NMD3: variants seen among roughly 807,000 people sequenced by gnomAD.
The protein encoded by NMD3 is 60S ribosomal export protein NMD3.
In NMD3, 47 loss-of-function variants were observed where a neutral mutation model predicts 73.1. The observed-to-expected ratio is 0.64, with a 90% CI of 0.51 to 0.82. The LOEUF is 0.82. Among genes scored for constraint, NMD3 ranks in the 40% least tolerant of loss-of-function variants. The probability of loss-of-function intolerance (pLI) is 0.00; values close to 1 mark genes in which losing one functional copy is unlikely to be tolerated. For synonymous variants in NMD3, 210 were observed against 194.5 expected, an observed-to-expected ratio of 1.08 and a Z score of -0.66; for missense variants, 554 against 612.5, an observed-to-expected ratio of 0.90 and a Z score of 1.01.
intron 11 of NMD3, among the ~76,000 whole-genome samples, chr3:161,245,007 G>C (rs1206754950): frequency 2.0e-5 from 3 of 151,896 alleles, no homozygotes; most frequent in African/African-American, 7.3e-5. Flanking sequence ...TTGATTTCTG[G>C]TGCAACACAG....
rs1481552255 is a variant in NMD3 at position 161,247,401 on chromosome 3, A to T, written c.1203+71A>T. ...AATGTAACTCTTAGGGGTAAGAGGT[A>T]GGAGTTCACACTTTTGAAAATAACA... On this transcript the variant is annotated intron_variant, in intron 13 of 15. Transcript: ENST00000351193. 5.9e-6 allele frequency: 5 copies of T among 844,264 alleles called. No homozygotes were observed. In the Admixed American group the frequency reaches 1.1e-4, roughly 18 times the overall value. The allele number at this position is 844,264 out of a possible 1,614,324, so 52.3% of individuals were successfully genotyped here.
intron 8 of NMD3, 70 bp downstream of exon 8, chr3:161,238,261 C>A: frequency 1.1e-6 from 1 of 907,204 alleles, no homozygotes; most frequent in Admixed American, 2.4e-5. Flanking sequence ...ATATATTCTT[C>A]AGGCTCAGAC....
rs141211684 is a variant in NMD3 at position 161,250,877 on chromosome 3, C to G, written c.1479C>G (p.Ala493=). The change falls in exon 16 of 16, where the codon GCC becomes GCG. Residue 493 remains alanine, a synonymous_variant. Transcript: ENST00000351193. The stretch of plus-strand genomic sequence containing the variant: ...AAGACCTTCATATTTCCCAAGATGC[C>G]ACTGGTGAAGAAGGTGCATCAATGC... ...MLEDLHISQD[A]TGEEGASMLT is the part of the protein sequence containing the mutation. 3.5e-5 allele frequency: 56 copies of G among 1,611,816 alleles called. 1 individual carries two copies. The East Asian group carries it at 1.1e-3, about 32-fold the overall frequency.
intron 4 of NMD3, among the ~76,000 whole-genome samples, chr3:161,227,885 G>T (rs1196867411): frequency 1.3e-5 from 2 of 151,608 alleles, no homozygotes; most frequent in African/African-American, 4.8e-5. Flanking sequence ...TTTTTCCTTT[G>T]TTATTTATCG....
rs377301241 is a variant in NMD3, at chr3:161,238,184, C to G, written c.649C>G (p.Pro217Ala). Reference protein sequence around the residue: ...KMVEFLQCTVPCRYKASQRLI... With the variant: ...KMVEFLQCTVACRYKASQRLI... ...GGTCGAATTTCTTCAGTGTACAGTT[C>G]CCTGTAGGTATGTTCTGAACCTTGA... The change falls in exon 8 of 16, where the codon CCC becomes GCC. Residue 217 changes from proline to alanine, a missense_variant. Pro to Ala is a conservative substitution (Grantham distance 27). Coordinates refer to ENST00000351193, the MANE Select transcript of NMD3 (RefSeq NM_015938.5). The G allele has an allele frequency of 2.5e-6, 4 of 1,593,620 alleles. No individual in the cohort carries two copies. The highest frequency in any genetic ancestry group is 3.4e-6 in the Non-Finnish European group (4 of 1,166,130).
intron 9 of NMD3, among the ~76,000 whole-genome samples, chr3:161,240,698 T>A (rs202014215): frequency 2.4e-4 from 17 of 71,834 alleles, no homozygotes; most frequent in East Asian, 8.8e-4. Context: ...CTAATTAAAA[T>A]ATATATATAT....
In NMD3 at chr3:161,241,411, T is replaced by A. The variant is rs145722641; in HGVS notation, c.871+248T>A. ...ACTGGTTTATTCCATTAATTTTTAC[T>A]GAAATTGACTTTTTTTTTTTTTTTT... On this transcript the variant is annotated intron_variant, in intron 10 of 15. Coordinates refer to ENST00000351193, the MANE Select transcript of NMD3 (RefSeq NM_015938.5). Among the ~76,000 whole-genome samples the A allele has an allele frequency of 2.3e-4, 34 of 149,926 alleles. No individual in the cohort carries two copies. In the East Asian group the frequency reaches 6.7e-3, roughly 29 times the overall value.
intron 9 of NMD3, among the ~76,000 whole-genome samples, chr3:161,239,920 TGGTG>T (rs1736905299): frequency 6.6e-6 from 1 of 152,116 alleles, no homozygotes; most frequent in Admixed American, 6.6e-5. Flanking sequence ...CAAAAACAGA[TGGTG>T]GGTCAGATTT....
intron 4 of NMD3, among the ~76,000 whole-genome samples, chr3:161,232,996 A>G (rs1275105596): frequency 6.6e-6 from 1 of 152,202 alleles, no homozygotes; most frequent in Admixed American, 6.5e-5. Context: ...AAGTCACAGA[A>G]TATAGAGAGA....
In NMD3 at chr3:161,238,707, A is replaced by G. The variant is rs762224195; in HGVS notation, c.657-23A>G. The G allele has an allele frequency of 3.8e-5, 41 of 1,084,568 alleles. No homozygotes were observed. The Admixed American group carries it at 6.9e-4, about 18-fold the overall frequency. 67.2% of individuals were successfully genotyped at this position (1,084,568 alleles called of 1,614,324 possible). On this transcript the variant is annotated intron_variant, in intron 8 of 15. Coordinates refer to ENST00000351193, the MANE Select transcript of NMD3 (RefSeq NM_015938.5). ...GGTTAATGATCTTTGTCTTTATATTACTACTAACTTTTTTCTTAATAGATA... is the reference window on the plus strand; with the variant it reads ...GGTTAATGATCTTTGTCTTTATATTGCTACTAACTTTTTTCTTAATAGATA...
At chr3:161,242,758 C>T in intron 11 of NMD3, 105 bp downstream of exon 11, 1 of 979,214 alleles carries the variant, frequency 1.0e-6, no homozygotes, top group Non-Finnish European at 1.5e-6. Context: ...AGTATGGAAT[C>T]CAAACTTAGC....
rs778521400 is a variant in NMD3, at chr3:161,233,466, CTA to C, written c.346_347del (p.Ile116SerfsTer30). On this transcript the variant is annotated frameshift_variant, in exon 5 of 16. Coordinates refer to ENST00000351193, the MANE Select transcript of NMD3 (RefSeq NM_015938.5). LOFTEE classifies it high-confidence loss of function. ...TCTAAGAGACTTAAAGTTAAACTGA[CTA>C]TTCAGAAAGAGGTAAGCAGTACATA... The C allele has an allele frequency of 6.2e-7, 1 of 1,602,118 alleles. No homozygotes were observed. The highest frequency in any genetic ancestry group is 8.5e-7 in the Non-Finnish European group (1 of 1,171,870).
At chr3:161,221,956 CTCTTTTTTT>C in intron 1 of NMD3, 29 bp from the exon 2 acceptor site, 1 of 1,029,928 alleles carries the variant, frequency 9.7e-7, no homozygotes, top group Non-Finnish European at 1.4e-6. Context: ...TCCCAACATT[CTCTTTTTTT>C]TTTTTTTTTT....
chr3:161,227,166 G>T, intron 3 of NMD3, 81 bp from the exon 4 acceptor site: 17 of 734,372 alleles, frequency 2.3e-5, no homozygotes, highest in Non-Finnish European at 3.2e-5. Context: ...TTAATAATTT[G>T]GGTTATATCT....
At position 161,250,892 on chromosome 3, in the gene NMD3, T is replaced by A; in HGVS notation, c.1494T>A (p.Gly498=). The A allele has an allele frequency of 6.2e-7, 1 of 1,612,066 alleles. No homozygotes were observed. The highest frequency in any genetic ancestry group is 8.5e-7 in the Non-Finnish European group (1 of 1,178,574). Residue 498 remains glycine (G), a synonymous_variant, in exon 16 of 16, where the codon GGT becomes GGA. Transcript: ENST00000351193. Reference sequence around the variant, plus strand: ...CCCAAGATGCCACTGGTGAAGAAGGTGCATCAATGCTGACATAATGAGATG... The same window carrying A: ...CCCAAGATGCCACTGGTGAAGAAGGAGCATCAATGCTGACATAATGAGATG... ...HISQDATGEE[G]ASMLT
downstream of NMD3, among the ~76,000 whole-genome samples, chr3:161,252,458 C>G (rs192352638): frequency 1.3e-5 from 2 of 152,254 alleles, no homozygotes; most frequent in Non-Finnish European, 2.9e-5. Flanking sequence ...TTTATTTAGT[C>G]TTACTCATTT....
At chr3:161,249,115 T>G (rs138131734) in intron 13 of NMD3, among the ~76,000 whole-genome samples, 19 of 152,358 alleles carry the variant, frequency 1.2e-4, no homozygotes, top group Admixed American at 2.6e-4. Context: ...TATCTACTTG[T>G]GATATTCAGA....
In NMD3 at chr3:161,227,273, TAC is replaced by T; in HGVS notation, c.208_209del (p.Gln70ValfsTer22). ...TATTTTCAACCACCAGGAACTTGGA[TAC>T]AGTGTGCTTTAGAATCCAGGGAACT... On this transcript the variant is annotated frameshift_variant, in exon 4 of 16. Transcript: ENST00000351193. LOFTEE classifies it high-confidence loss of function. 6.2e-7 allele frequency: 1 copy of T among 1,611,898 alleles called. No homozygotes were observed. Among genetic ancestry groups the T allele is most frequent in the Non-Finnish European group, 8.5e-7 (1 of 1,178,766 alleles).
chr3:161,240,699 A>G (rs1259211771), intron 9 of NMD3, among the ~76,000 whole-genome samples: 1 of 71,840 alleles, frequency 1.4e-5, no homozygotes, highest in Non-Finnish European at 3.1e-5. Context: ...TAATTAAAAT[A>G]TATATATATA....
Sources: allele counts gnomAD v4.1 joint callset (sites outside exome capture counted in the v4.1 genomes callset), GRCh38; gene constraint gnomAD v4.1.1; transcripts MANE v1.5; gene names NCBI Gene and HGNC (gene_info 2026-07-23, HGNC 2026-07-21).